TENT5D: variants seen among roughly 807,000 people sequenced by gnomAD.
The protein encoded by TENT5D is terminal nucleotidyltransferase 5D, also known as cancer/testis antigen 112.
For missense variants in TENT5D, 191 were observed against 287.0 expected (o/e 0.67, Z 2.42); for synonymous variants, 103 against 100.6 (o/e 1.02, Z -0.15).
Position 80,351,361 on chromosome X carries a change from T to C in TENT5D, c.-142+8797T>C, listed in dbSNP as rs753460328. ...TCATTCCGTTTCAATGTTTTTTTTT[T>C]CTCAAATCTTGTCTTCACTCCTCAT... On this transcript the variant is annotated intron_variant, in intron 3 of 4. Transcript: ENST00000538312. 1.4e-3 allele frequency among the ~76,000 whole-genome samples: 151 copies of C among 108,712 alleles called. 1 individual carries two copies. The highest frequency in any genetic ancestry group is 3.5e-3 in the Admixed American group (35 of 9,994). The allele number at this position is 108,712 out of a possible 115,157, so 94.4% of individuals were successfully genotyped here.
At chrX:80,418,941 C>G (rs1161734153), upstream of TENT5D, among the ~76,000 whole-genome samples, 3 of 111,442 alleles carry the variant, frequency 2.7e-5, no homozygotes, top group Admixed American at 1.9e-4. Flanking sequence ...TCCTCCACCC[C>G]CTACCTAGCT....
At chrX:80,342,597 T>G (rs1929981451) in intron 3 of TENT5D, 1 of 112,565 alleles carries the variant, frequency 8.9e-6, no homozygotes, top group Non-Finnish European at 1.9e-5. Context: ...AAATAAATTT[T>G]TAAATTGGAG....
At chrX:80,430,967 G>A (rs1168883560) in intron 1 of TENT5D, among the ~76,000 whole-genome samples, 3 of 111,099 alleles carry the variant, frequency 2.7e-5, no homozygotes, top group African/African-American at 9.8e-5. Context: ...TGTAGTAGTT[G>A]GATTTGGGCA....
At chrX:80,368,503 G>T (rs1361718021) in intron 3 of TENT5D, among the ~76,000 whole-genome samples, 1 of 111,437 alleles carries the variant, frequency 9.0e-6, no homozygotes, top group African/African-American at 3.3e-5. Flanking sequence ...CTTTTATCTT[G>T]TTGGTCTGTC....
At chrX:80,406,212 C>T (rs999863362) in intron 3 of TENT5D, among the ~76,000 whole-genome samples, 27 of 112,375 alleles carry the variant, frequency 2.4e-4, no homozygotes, top group Admixed American at 1.3e-3. Flanking sequence ...TCCAAAGGAA[C>T]GCAGTTCCTC....
Position 80,442,537 on chromosome X carries a change from A to G in TENT5D, c.-3A>G, listed in dbSNP as rs773473520. 23 of 1,192,762 alleles carry G rather than the reference A, an allele frequency of 1.9e-5. No homozygotes were observed. In the South Asian group the frequency reaches 4.1e-4, roughly 21 times the overall value. On this transcript the variant is annotated 5_prime_UTR_variant, in exon 3 of 3. Coordinates refer to ENST00000308293, the Ensembl canonical transcript of TENT5D. ...TGCTGTCTAGTGATCTACTGACTTC[A>G]CAATGTCTGAAATCAGATTCACCAA...
At chrX:80,351,154 G>C (rs1056350871) in intron 3 of TENT5D, among the ~76,000 whole-genome samples, 1 of 110,596 alleles carries the variant, frequency 9.0e-6, no homozygotes, top group Admixed American at 9.7e-5. Context: ...TATCTTAGTG[G>C]TGTTCTCTAT....
intron 1 of TENT5D, among the ~76,000 whole-genome samples, chrX:80,425,267 T>C (rs1220919150): frequency 8.9e-6 from 1 of 112,724 alleles, no homozygotes; most frequent in Admixed American, 9.4e-5. Flanking sequence ...ACATTTTGCT[T>C]TCAGGAGTAT....
rs528932400 is a variant in TENT5D at position 80,383,583 on chromosome X, G to A, written c.-142+41019G>A. On this transcript the variant is annotated intron_variant, in intron 3 of 4. Coordinates refer to the TENT5D transcript ENST00000538312. ...ATAAACAGCAAAACTTGGGCCGGGC[G>A]CATTGGCTCACGCCTGTAATCCCAG... Among the ~76,000 whole-genome samples, 136 of 112,269 alleles carry A rather than the reference G, an allele frequency of 1.2e-3. 3 individuals are homozygous for A. In the South Asian group the frequency reaches 0.048, roughly 39 times the overall value.
intron 3 of TENT5D, among the ~76,000 whole-genome samples, chrX:80,391,952 A>C (rs1211210634): frequency 8.9e-6 from 1 of 112,515 alleles, no homozygotes; most frequent in Admixed American, 9.4e-5. Flanking sequence ...CCTGAAAGGC[A>C]GTTTGGTATA....
At position 80,394,341 on chromosome X, in the gene TENT5D, G is replaced by A. The variant is rs376297806; in HGVS notation, c.-141-44269G>A. On this transcript the variant is annotated intron_variant, in intron 3 of 4. Coordinates refer to the TENT5D transcript ENST00000538312. Reference sequence around the variant, plus strand: ...AGCAGTTTTTTTTTTTCATGTATTCGTTGGCCATTTGTATGTCTTCTTTTG... The same window carrying A: ...AGCAGTTTTTTTTTTTCATGTATTCATTGGCCATTTGTATGTCTTCTTTTG... 4.5e-4 allele frequency among the ~76,000 whole-genome samples: 41 copies of A among 90,313 alleles called. No individual in the cohort carries two copies. In the East Asian group the frequency reaches 8.1e-3, roughly 18 times the overall value. The allele number at this position is 90,313 out of a possible 115,157, so 78.4% of individuals were successfully genotyped here.
At chrX:80,349,716 T>A (rs970111425) in intron 3 of TENT5D, among the ~76,000 whole-genome samples, 8 of 111,354 alleles carry the variant, frequency 7.2e-5, no homozygotes, top group African/African-American at 2.0e-4. Context: ...TTGCTCTTGC[T>A]TCTCTAGTTC....
chrX:80,389,077 G>A (rs923648101), intron 3 of TENT5D, among the ~76,000 whole-genome samples: 5 of 111,475 alleles, frequency 4.5e-5, no homozygotes, highest in African/African-American at 9.8e-5. Context: ...TCTCAAGCGC[G>A]GAAATTCTCT....
At chrX:80,415,666 C>G (rs1931756724), upstream of TENT5D, among the ~76,000 whole-genome samples, 1 of 111,854 alleles carries the variant, frequency 8.9e-6, no homozygotes, top group Non-Finnish European at 1.9e-5. Flanking sequence ...GATGGATTAA[C>G]TTTTTAATGT....
At chrX:80,397,523 G>A (rs748299626) in intron 3 of TENT5D, among the ~76,000 whole-genome samples, 2 of 112,178 alleles carry the variant, frequency 1.8e-5, no homozygotes, top group African/African-American at 3.2e-5. Flanking sequence ...CTTCCCAGAC[G>A]GGGTGGTGGC....
At chrX:80,392,874 A>AT (rs1466822147) in intron 3 of TENT5D, among the ~76,000 whole-genome samples, 1 of 111,278 alleles carries the variant, frequency 9.0e-6, no homozygotes, top group African/African-American at 3.3e-5. Context: ...CTACAATATG[A>AT]TTAAGATTTC....
chrX:80,411,896 G>T (rs1473864606), intron 3 of TENT5D, among the ~76,000 whole-genome samples: 1 of 111,907 alleles, frequency 8.9e-6, no homozygotes, highest in Non-Finnish European at 1.9e-5. Flanking sequence ...GGGTTTGGAG[G>T]ATGGTGGCCA....
chrX:80,353,003 A>G (rs924210222), intron 3 of TENT5D, among the ~76,000 whole-genome samples: 3 of 111,503 alleles, frequency 2.7e-5, no homozygotes, highest in African/African-American at 9.8e-5. Context: ...CGTGGGCTGC[A>G]CCCACTGCCT....
At chrX:80,347,294 A>G (rs1184244337) in intron 3 of TENT5D, among the ~76,000 whole-genome samples, 2 of 111,835 alleles carry the variant, frequency 1.8e-5, no homozygotes, top group Non-Finnish European at 3.8e-5. Flanking sequence ...ACTCCCACCA[A>G]CAGTGTAAAA....
Sources: allele counts gnomAD v4.1 joint callset (sites outside exome capture counted in the v4.1 genomes callset), GRCh38; gene constraint gnomAD v4.1.1; transcripts MANE v1.5; gene names NCBI Gene and HGNC (gene_info 2026-07-23, HGNC 2026-07-21).